Variants in ZDHHC2 observed in about 807,000 individuals in gnomAD.
ZDHHC2 encodes the protein palmitoyltransferase ZDHHC2.
Under a neutral mutation model 55.6 loss-of-function variants are expected in ZDHHC2, and 51 were observed. The observed-to-expected ratio is 0.92, with a 90% CI of 0.73 to 1.16. ZDHHC2 has a LOEUF of 1.16. Among genes scored for constraint, ZDHHC2 ranks in the 50% most tolerant of loss-of-function variants. The pLI is 0.00. For synonymous variants in ZDHHC2, 199 were observed against 152.9 expected (o/e 1.30, Z -2.22); for missense variants, 491 against 442.4 (o/e 1.11, Z -0.99).
chr8:17,215,213 G>A (rs1010258751), intron 10 of ZDHHC2, 24 bp from the exon 11 acceptor site: 2 of 1,539,840 alleles, frequency 1.3e-6, no homozygotes, highest in African/African-American at 2.8e-5. Context: ...TGATGATTTT[G>A]ATGATTATTC....
rs149802363 is a variant in ZDHHC2, at chr8:17,170,723, G to T, written c.130+13870G>T. Among the ~76,000 whole-genome samples, 170 of 152,224 alleles carry T rather than the reference G, an allele frequency of 1.1e-3. 1 individual carries two copies. The highest frequency in any genetic ancestry group is 3.9e-3 in the African/African-American group (162 of 41,528). ...CAGCATTGTCCTTTATGATAATTCT[G>T]AGTATACCAGATAATAAGAAACTGA... On this transcript the variant is annotated intron_variant, in intron 1 of 12. Transcript: ENST00000262096.
chr8:17,185,449 A>T (rs938197877), intron 2 of ZDHHC2, among the ~76,000 whole-genome samples: 9 of 151,938 alleles, frequency 5.9e-5, no homozygotes, highest in African/African-American at 2.2e-4. Flanking sequence ...TTGAGGTCAG[A>T]AGTTCAAGAC....
At chr8:17,172,043 T>G (rs979645558) in intron 1 of ZDHHC2, among the ~76,000 whole-genome samples, 1 of 151,964 alleles carries the variant, frequency 6.6e-6, no homozygotes, top group Non-Finnish European at 1.5e-5. Context: ...ATATCCGCAG[T>G]TCCCAGGAAT....
chr8:17,219,885 T>G (rs992205119), intron 12 of ZDHHC2, among the ~76,000 whole-genome samples: 2 of 152,168 alleles, frequency 1.3e-5, no homozygotes, highest in African/African-American at 4.8e-5. Context: ...CTAAACTCCA[T>G]TCAGCCTCAG....
chr8:17,172,444 G>GC (rs1804905151), intron 1 of ZDHHC2, among the ~76,000 whole-genome samples: 1 of 152,204 alleles, frequency 6.6e-6, no homozygotes, highest in Admixed American at 6.5e-5. Flanking sequence ...GAGATGGGGA[G>GC]TGGGCTGCAG....
intron 3 of ZDHHC2, among the ~76,000 whole-genome samples, chr8:17,189,013 AC>A (rs1394307198): frequency 3.3e-5 from 5 of 151,002 alleles, no homozygotes; most frequent in African/African-American, 1.2e-4. Flanking sequence ...CATGTGCCGC[AC>A]TGCTCCCTGC....
intron 3 of ZDHHC2, among the ~76,000 whole-genome samples, chr8:17,187,499 T>C (rs888169723): frequency 1.6e-4 from 24 of 152,160 alleles, no homozygotes; most frequent in Non-Finnish European, 2.6e-4. Context: ...AAATATGCTA[T>C]TTGGCTTGGG....
Position 17,222,734 on chromosome 8 carries a change from CACCTACATTATCTGTCTATAAG to C in ZDHHC2, c.*2515_*2536del, listed in dbSNP as rs1449049415. Reference sequence around the variant, plus strand: ...AATATACCCTAATAAAGTGGTTGATCACCTACATTATCTGTCTATAAGAAACTGCCTTTGCACTGACAATGTA... The same window carrying C: ...AATATACCCTAATAAAGTGGTTGATCAAACTGCCTTTGCACTGACAATGTA... On this transcript the variant is annotated 3_prime_UTR_variant, in exon 13 of 13. Coordinates refer to ENST00000262096, the MANE Select transcript of ZDHHC2 (RefSeq NM_016353.5). 3.5e-3 allele frequency: 6 copies of C among 1,738 alleles called. No homozygotes were observed. Among genetic ancestry groups the C allele is most frequent in the South Asian group, 0.14 (2 of 14 alleles). The allele number at this position is 1,738 out of a possible 1,614,324, so 0.1% of individuals were successfully genotyped here. A position where few individuals can be genotyped will look rare whatever the true frequency, so the allele number is the denominator to read the frequency against.
chr8:17,196,273 T>C (rs1806302294), intron 4 of ZDHHC2, among the ~76,000 whole-genome samples: 1 of 152,134 alleles, frequency 6.6e-6, no homozygotes, highest in South Asian at 2.1e-4. Flanking sequence ...CTGTCCATTA[T>C]GGTAGCCGCT....
chr8:17,204,097 C>T (rs1232895420), intron 6 of ZDHHC2, among the ~76,000 whole-genome samples: 3 of 152,198 alleles, frequency 2.0e-5, no homozygotes, highest in Non-Finnish European at 4.4e-5. Context: ...TGAGCCACCA[C>T]GCCCAGCCAA....
intron 1 of ZDHHC2, among the ~76,000 whole-genome samples, chr8:17,171,227 A>C (rs1174279458): frequency 6.6e-6 from 1 of 151,994 alleles, no homozygotes; most frequent in Admixed American, 6.6e-5. Context: ...CACCCATACA[A>C]CTCTATCTAA....
intron 1 of ZDHHC2, among the ~76,000 whole-genome samples, chr8:17,174,163 C>A (rs1212554584): frequency 6.6e-6 from 1 of 150,860 alleles, no homozygotes; most frequent in Non-Finnish European, 1.5e-5. Context: ...AATCACAGCT[C>A]GTGCTGCCTC....
At position 17,199,762 on chromosome 8, in the gene ZDHHC2, CT is replaced by C. The variant is rs36175869; in HGVS notation, c.476+1364del. On this transcript the variant is annotated intron_variant, in intron 6 of 12. Coordinates refer to ENST00000262096, the MANE Select transcript of ZDHHC2 (RefSeq NM_016353.5). ...TTCTTCGTCCTTCTTCTTTCTTCTT[CT>C]TTTTTTTTTTTTTTGAGACAGAGTC... 6.1e-3 allele frequency among the ~76,000 whole-genome samples: 792 copies of C among 128,984 alleles called. 2 individuals are homozygous for C. The highest frequency in any genetic ancestry group is 0.019 in the African/African-American group (636 of 33,046). 84.6% of individuals were successfully genotyped at this position (128,984 alleles called of 152,430 possible). A position where few individuals can be genotyped will look rare whatever the true frequency, so the allele number is the denominator to read the frequency against.
chr8:17,204,284 T>C (rs907298743), intron 6 of ZDHHC2, among the ~76,000 whole-genome samples: 1 of 152,248 alleles, frequency 6.6e-6, no homozygotes, highest in African/African-American at 2.4e-5. Flanking sequence ...TTCATCTTAG[T>C]AGCTAAGTCA....
chr8:17,204,220 C>A (rs1345395111), intron 6 of ZDHHC2, among the ~76,000 whole-genome samples: 1 of 152,132 alleles, frequency 6.6e-6, no homozygotes, highest in Non-Finnish European at 1.5e-5. Context: ...ATGATGTAAA[C>A]ATTTTTTTCA....
intron 1 of ZDHHC2, among the ~76,000 whole-genome samples, chr8:17,158,572 G>T (rs1165506223): frequency 6.6e-6 from 1 of 152,206 alleles, no homozygotes; most frequent in Non-Finnish European, 1.5e-5. Context: ...GTAGACAGGT[G>T]ATGGGGAAGG....
intron 1 of ZDHHC2, among the ~76,000 whole-genome samples, chr8:17,171,710 A>G (rs911581992): frequency 1.3e-5 from 2 of 151,814 alleles, no homozygotes; most frequent in African/African-American, 4.8e-5. Context: ...GAATTCCGCC[A>G]CGTGTGACAA....
intron 7 of ZDHHC2, among the ~76,000 whole-genome samples, chr8:17,206,096 T>A (rs760440172): frequency 3.9e-5 from 6 of 152,188 alleles, no homozygotes; most frequent in Non-Finnish European, 7.3e-5. Context: ...TATAAACAAG[T>A]GTGCTTTCCA....
At chr8:17,209,254 G>A (rs1427812812) in intron 8 of ZDHHC2, among the ~76,000 whole-genome samples, 3 of 152,076 alleles carry the variant, frequency 2.0e-5, no homozygotes, top group Non-Finnish European at 2.9e-5. Context: ...ACTGGATCCC[G>A]GTTTGGACAA....
Sources: allele counts gnomAD v4.1 joint callset (sites outside exome capture counted in the v4.1 genomes callset), GRCh38; gene constraint gnomAD v4.1.1; transcripts MANE v1.5; gene names NCBI Gene and HGNC (gene_info 2026-07-23, HGNC 2026-07-21).